Variants in CAB39L observed in about 807,000 individuals in gnomAD.
CAB39L encodes calcium-binding protein 39-like.
In CAB39L, 23 loss-of-function variants were observed where a neutral mutation model predicts 39.1. The observed-to-expected ratio is 0.59, with a 90% confidence interval of 0.42 to 0.83. The LOEUF (loss-of-function observed/expected upper bound fraction) is 0.83. Among genes scored for constraint, CAB39L ranks in the 40% least tolerant of loss-of-function variants. The probability of loss-of-function intolerance (pLI) is 0.00; values close to 1 mark genes in which losing one functional copy is unlikely to be tolerated. For missense variants in CAB39L, 366 were observed against 391.9 expected (o/e 0.93, Z 0.56); for synonymous variants, 126 against 137.2 (o/e 0.92, Z 0.57).
At position 49,359,754 on chromosome 13, in the gene CAB39L, T is replaced by C. The variant is rs1566088750; in HGVS notation, c.355A>G (p.Ile119Val). Residue 119 changes from isoleucine to valine, a missense_variant, in exon 6 of 11, where the codon ATT (isoleucine) becomes GTT (valine). Transcript: ENST00000409308. ...AACAGGATATGAGGATGAGCACTAA[T>C]ATACTCCACAGTAGGACTCCGAGTG... The part of the protein sequence containing the change: ...IGTRSPTVEY[I>V]SAHPHILFML... The C allele has an allele frequency of 6.2e-7, 1 of 1,611,946 alleles. No individual in the cohort carries two copies. The highest frequency in any genetic ancestry group is 1.7e-5 in the Admixed American group (1 of 59,984).
At chr13:49,344,293 A>G in intron 7 of CAB39L, 55 bp from the exon 8 acceptor site, 1 of 988,388 alleles carries the variant, frequency 1.0e-6, no homozygotes, top group Non-Finnish European at 1.6e-6. Context: ...AATATTACAA[A>G]TGTGTCTTTT....
At chr13:49,372,713 C>T (rs1054570039) in intron 5 of CAB39L, among the ~76,000 whole-genome samples, 1 of 152,164 alleles carries the variant, frequency 6.6e-6, no homozygotes, top group Admixed American at 6.5e-5. Context: ...CTCTGTCGCC[C>T]AGTCTGGAGT....
chr13:49,369,982 T>C (rs1955873761), intron 5 of CAB39L, among the ~76,000 whole-genome samples: 1 of 152,216 alleles, frequency 6.6e-6, no homozygotes, highest in Non-Finnish European at 1.5e-5. Flanking sequence ...AATTGTATCA[T>C]AATTTTTAAA....
chr13:49,440,457 T>C (rs184607603), intron 1 of CAB39L, among the ~76,000 whole-genome samples: 5 of 152,232 alleles, frequency 3.3e-5, no homozygotes, highest in Admixed American at 3.3e-4. Flanking sequence ...CATTGGCCTA[T>C]ATGTCTGTTT....
intron 1 of CAB39L, among the ~76,000 whole-genome samples, chr13:49,440,715 A>AGTGT (rs56314282): frequency 0.014 from 1,873 of 135,494 alleles, 20 homozygotes; most frequent in African/African-American, 0.02. Context: ...ATTCCTAGGC[A>AGTGT]GTGTGTGTGT....
chr13:49,396,616 G>C (rs1026755264), intron 3 of CAB39L, among the ~76,000 whole-genome samples: 3 of 151,962 alleles, frequency 2.0e-5, no homozygotes, highest in Non-Finnish European at 4.4e-5. Flanking sequence ...GGTGAGGCAG[G>C]AGAATCACTT....
chr13:49,435,760 C>A (rs1246538939), intron 1 of CAB39L, among the ~76,000 whole-genome samples: 1 of 152,204 alleles, frequency 6.6e-6, no homozygotes, highest in Admixed American at 6.5e-5. Context: ...CTTGGCCTCC[C>A]AAAGTGCTAG....
rs553302832 is a variant in CAB39L at position 49,319,198 on chromosome 13, C to T, written c.835-8205G>A. On this transcript the variant is annotated intron_variant, in intron 10 of 10. Transcript: ENST00000409308. ...GGTAGAGGTTGCAGTGAGCCGAGAT[C>T]GTGCCACTGTACTCCAGCCTGGTGA... Among the ~76,000 whole-genome samples the T allele has an allele frequency of 1.1e-3, 165 of 152,136 alleles. 1 individual carries two copies. Among genetic ancestry groups the T allele is most frequent in the Non-Finnish European group, 1.9e-3 (129 of 67,984 alleles).
chr13:49,379,853 T>G (rs1956215432), intron 4 of CAB39L, among the ~76,000 whole-genome samples: 1 of 151,698 alleles, frequency 6.6e-6, no homozygotes, highest in African/African-American at 2.4e-5. Flanking sequence ...TCTTTTTTTT[T>G]TTTTTTTAGA....
intron 5 of CAB39L, among the ~76,000 whole-genome samples, chr13:49,366,688 C>G (rs996209555): frequency 6.6e-6 from 1 of 151,352 alleles, no homozygotes; most frequent in African/African-American, 2.4e-5. Flanking sequence ...AAACCCAACC[C>G]CCCATCAAAG....
At chr13:49,421,559 A>C (rs1957171574) in intron 3 of CAB39L, among the ~76,000 whole-genome samples, 2 of 152,118 alleles carry the variant, frequency 1.3e-5, no homozygotes, top group Non-Finnish European at 2.9e-5. Context: ...CGACTGCAGG[A>C]GTGGTGCCAG....
At chr13:49,417,315 C>T (rs1957101361) in intron 3 of CAB39L, among the ~76,000 whole-genome samples, 1 of 152,186 alleles carries the variant, frequency 6.6e-6, no homozygotes, top group Non-Finnish European at 1.5e-5. Context: ...TTTCAGAACA[C>T]TTCCTTTACT....
At position 49,310,855 on chromosome 13, in the gene CAB39L, A is replaced by C; in HGVS notation, c.973T>G (p.Leu325Val). The C allele has an allele frequency of 1.2e-6, 2 of 1,614,210 alleles. No individual in the cohort carries two copies. The highest frequency in any genetic ancestry group is 1.7e-6 in the Non-Finnish European group (2 of 1,180,034). Residue 325 changes from leucine to valine, a missense_variant, in exon 11 of 11, where the codon TTG becomes GTG. Physicochemically the swap from Leu to Val is conservative, Grantham distance 32. Transcript: ENST00000409308. ...TTCAAGTCTCGGATCTGTTTAATCA[A>C]GTAGTTCTTCTCGTCAGCGAACTGC... ...DEQFADEKNY[L>V]IKQIRDLKKT...
In CAB39L at chr13:49,346,098, T is replaced by TAGATATATATATATATATATATGCTAG. The variant is rs1566079270; in HGVS notation, c.565-1861_565-1860insCTAGCATATATATATATATATATATCT. On this transcript the variant is annotated intron_variant, in intron 7 of 10. Coordinates refer to ENST00000409308, the MANE Select transcript of CAB39L (RefSeq NM_001079670.3). ...TAGATATATATATATATATATATGC[T>TAGATATATATATATATATATATGCTAG]AGATATATATATATATATATATATA... Among the ~76,000 whole-genome samples the TAGATATATATATATATATATATGCTAG allele has an allele frequency of 1.7e-3, 20 of 11,564 alleles. 2 individuals carry two copies. In the South Asian group the frequency reaches 0.034, roughly 20 times the overall value. 7.6% of individuals were successfully genotyped at this position (11,564 alleles called of 152,430 possible).
intron 3 of CAB39L, chr13:49,401,675 T>C (rs1287156222): frequency 1.3e-5 from 2 of 152,198 alleles, no homozygotes; most frequent in Non-Finnish European, 2.9e-5. Flanking sequence ...AACAAAATTT[T>C]TTCTCATCAC....
chr13:49,423,266 G>A (rs1259334767), intron 3 of CAB39L, among the ~76,000 whole-genome samples: 2 of 152,220 alleles, frequency 1.3e-5, no homozygotes, highest in Non-Finnish European at 2.9e-5. Context: ...GTCCCCAGGG[G>A]ACGTTGATTC....
At chr13:49,384,245 C>G (rs1956308343) in intron 3 of CAB39L, among the ~76,000 whole-genome samples, 1 of 152,210 alleles carries the variant, frequency 6.6e-6, no homozygotes, top group Non-Finnish European at 1.5e-5. Context: ...CTTTGCTCAT[C>G]CATAGAAGCA....
rs1241423149 is a variant in CAB39L, at chr13:49,444,060, A to G, written c.-320T>C. ...CGAGTAACTCCATTGGCTCAGCTAC[A>G]GTGCGCGAGACAAGCCGAGAGCGCT... On this transcript the variant is annotated 5_prime_UTR_variant, in exon 1 of 11. Coordinates refer to ENST00000409308, the MANE Select transcript of CAB39L (RefSeq NM_001079670.3). The G allele has an allele frequency of 4.4e-6, 2 of 451,958 alleles. No individual in the cohort carries two copies. The highest frequency in any genetic ancestry group is 8.9e-6 in the Non-Finnish European group (2 of 224,836). 28.0% of individuals were successfully genotyped at this position (451,958 alleles called of 1,614,324 possible). A position where few individuals can be genotyped will look rare whatever the true frequency, so the allele number is the denominator to read the frequency against.
chr13:49,405,730 G>T (rs1022028728), intron 3 of CAB39L, among the ~76,000 whole-genome samples: 2 of 127,596 alleles, frequency 1.6e-5, no homozygotes, highest in South Asian at 3.1e-4. Context: ...AGGAAGGAAG[G>T]AAGGAAGGAA....
Sources: gnomAD v4.1 joint callset for allele counts (sites outside exome capture counted in the v4.1 genomes callset) on GRCh38, gnomAD v4.1.1 for gene constraint, MANE v1.5 for transcripts, NCBI Gene and HGNC (gene_info 2026-07-23, HGNC 2026-07-21) for gene names.